Variants in FOXP1 observed in about 807,000 individuals in gnomAD.
FOXP1 encodes forkhead box P1.
FOXP1 carries 15 observed loss-of-function variants against 98.2 expected under a neutral mutation model. The observed-to-expected ratio is 0.15, with a 90% CI of 0.10 to 0.24. The LOEUF is 0.24. FOXP1 is among the 10% of genes least tolerant of loss of function. The pLI is 1.00. For synonymous variants in FOXP1, 371 were observed against 314.5 expected (o/e 1.18, Z -1.90); for missense variants, 633 against 848.5 (o/e 0.75, Z 3.15).
At chr3:71,455,805 C>T (rs776452250) in intron 3 of FOXP1, among the ~76,000 whole-genome samples, 2 of 152,162 alleles carry the variant, frequency 1.3e-5, no homozygotes, top group Non-Finnish European at 2.9e-5. Flanking sequence ...GTGATAGTTA[C>T]GGGTGGGTAT....
At chr3:71,311,059 C>T (rs527496478) in intron 4 of FOXP1, among the ~76,000 whole-genome samples, 16 of 152,066 alleles carry the variant, frequency 1.1e-4, no homozygotes, top group Non-Finnish European at 1.3e-4. Context: ...GATTTGCATC[C>T]CCCTCCCACT....
chr3:71,105,073 C>T (rs1476269289), intron 7 of FOXP1, among the ~76,000 whole-genome samples: 2 of 152,206 alleles, frequency 1.3e-5, no homozygotes, highest in South Asian at 2.1e-4. Context: ...TGTGGAACCA[C>T]GTTGCTTCGA....
At chr3:71,469,527 G>A (rs775998673) in intron 3 of FOXP1, among the ~76,000 whole-genome samples, 5 of 152,238 alleles carry the variant, frequency 3.3e-5, no homozygotes, top group Non-Finnish European at 7.4e-5. Context: ...CAAATTTCTT[G>A]AGTCATTCCT....
At chr3:71,160,936 G>A (rs957739915) in intron 6 of FOXP1, among the ~76,000 whole-genome samples, 1 of 152,196 alleles carries the variant, frequency 6.6e-6, no homozygotes, top group African/African-American at 2.4e-5. Context: ...ACTGAGTCAT[G>A]GGGGCCTTAG....
intron 2 of FOXP1, among the ~76,000 whole-genome samples, chr3:71,577,390 C>T (rs1337013823): frequency 6.6e-6 from 1 of 151,934 alleles, no homozygotes; most frequent in Non-Finnish European, 1.5e-5. Flanking sequence ...TGCTTAATTT[C>T]CATTAAGCAC....
rs750746668 is a variant in FOXP1, at chr3:71,198,291, C to T, written c.91G>A (p.Gly31Ser). Residue 31 changes from glycine (G) to serine (S), a missense_variant, in exon 6 of 21, where the codon GGT becomes AGT. Coordinates refer to ENST00000649528, the MANE Select transcript of FOXP1 (RefSeq NM_001349338.3). ...CCGTTGGACCGCCCCTCCCGAAGACCGCCGCACTCTAGTAAGTGGTTGCTG... is the reference window on the plus strand; with the variant it reads ...CCGTTGGACCGCCCCTCCCGAAGACTGCCGCACTCTAGTAAGTGGTTGCTG... ...GGSNHLLECG[G>S]LREGRSNGET... The T allele has an allele frequency of 9.3e-6, 15 of 1,614,150 alleles. No homozygotes were observed. Among genetic ancestry groups the T allele is most frequent in the African/African-American group, 2.7e-5 (2 of 75,032 alleles).
chr3:71,293,202 CGTT>C (rs2072941139), intron 5 of FOXP1, among the ~76,000 whole-genome samples: 1 of 152,166 alleles, frequency 6.6e-6, no homozygotes. Flanking sequence ...TGTGGTACGT[CGTT>C]AAGTTGCCAC....
chr3:71,032,025 A>G (rs2046932476), intron 11 of FOXP1, among the ~76,000 whole-genome samples: 1 of 152,236 alleles, frequency 6.6e-6, no homozygotes, highest in Non-Finnish European at 1.5e-5. Flanking sequence ...TTGAGAGAGT[A>G]CATGTGAGTG....
intron 7 of FOXP1, among the ~76,000 whole-genome samples, chr3:71,085,298 A>G (rs1301028598): frequency 6.6e-6 from 1 of 152,098 alleles, no homozygotes; most frequent in Admixed American, 6.6e-5. Flanking sequence ...GCATAACACC[A>G]CATTCAGCTA....
intron 7 of FOXP1, among the ~76,000 whole-genome samples, chr3:71,094,340 C>CA (rs1352525937): frequency 2.8e-5 from 4 of 140,872 alleles, no homozygotes; most frequent in African/African-American, 1.1e-4. Flanking sequence ...AGTGCAGTGG[C>CA]GTGATCTCAG....
rs1028537260 is a variant in FOXP1 at position 71,224,901 on chromosome 3, C to T, written c.-11-26509G>A. ...GAGAATTAGAAATACTCAGCTACAA[C>T]GGTACCCAAATCTGCCAGGACTTGG... On this transcript the variant is annotated intron_variant, in intron 5 of 20. Transcript: ENST00000649528. 9.2e-5 allele frequency among the ~76,000 whole-genome samples: 14 copies of T among 152,194 alleles called. No homozygotes were observed. The East Asian group carries it at 1.3e-3, about 15-fold the overall frequency.
chr3:71,571,430 ACTAT>A (rs1186789687), intron 2 of FOXP1: 1 of 152,216 alleles, frequency 6.6e-6, no homozygotes, highest in Non-Finnish European at 1.5e-5. Flanking sequence ...TCAGGGAAAC[ACTAT>A]CTACCTTTAT....
At chr3:71,432,720 C>A (rs943115573) in intron 3 of FOXP1, among the ~76,000 whole-genome samples, 1 of 152,048 alleles carries the variant, frequency 6.6e-6, no homozygotes, top group African/African-American at 2.4e-5. Context: ...CCTATCCCCC[C>A]CATCCAAAGA....
At chr3:70,962,065 C>A (rs1235842790) in intron 20 of FOXP1, among the ~76,000 whole-genome samples, 1 of 152,104 alleles carries the variant, frequency 6.6e-6, no homozygotes, top group African/African-American at 2.4e-5. Flanking sequence ...AAACACAAAC[C>A]CTTAGTTAAG....
intron 3 of FOXP1, among the ~76,000 whole-genome samples, chr3:71,374,306 C>CA (rs2079552853): frequency 6.6e-6 from 1 of 152,152 alleles, no homozygotes; most frequent in African/African-American, 2.4e-5. Context: ...ATAAAACCTA[C>CA]ATCTGGGCCA....
chr3:71,328,767 G>T (rs1336915850), intron 4 of FOXP1, among the ~76,000 whole-genome samples: 3 of 152,008 alleles, frequency 2.0e-5, no homozygotes, highest in African/African-American at 7.2e-5. Flanking sequence ...GAGGTTGGGA[G>T]TTCAAGACCA....
chr3:70,989,653 T>C (rs2040304860), intron 13 of FOXP1, among the ~76,000 whole-genome samples: 1 of 152,314 alleles, frequency 6.6e-6, no homozygotes, highest in Admixed American at 6.5e-5. Flanking sequence ...AGAAATGTTT[T>C]GTTTTAAAGT....
chr3:71,292,122 G>A (rs1011386563), intron 5 of FOXP1, among the ~76,000 whole-genome samples: 4 of 152,060 alleles, frequency 2.6e-5, no homozygotes, highest in Non-Finnish European at 4.4e-5. Flanking sequence ...TTAAAGTATG[G>A]AATTTGTAAT....
chr3:71,024,514 G>T (rs2045863584), intron 11 of FOXP1, among the ~76,000 whole-genome samples: 1 of 152,120 alleles, frequency 6.6e-6, no homozygotes, highest in Non-Finnish European at 1.5e-5. Flanking sequence ...AATAAGGATG[G>T]AGTTCTCTAC....
Sources: allele counts gnomAD v4.1 joint callset (sites outside exome capture counted in the v4.1 genomes callset), GRCh38; gene constraint gnomAD v4.1.1; transcripts MANE v1.5; gene names NCBI Gene and HGNC (gene_info 2026-07-23, HGNC 2026-07-21).